SLC20A2: variants seen among roughly 807,000 people sequenced by gnomAD.
SLC20A2 encodes sodium-dependent phosphate transporter 2.
In SLC20A2, 30 loss-of-function variants were observed where a neutral mutation model predicts 61.0. The observed-to-expected ratio is 0.49, with a 90% CI of 0.37 to 0.67. The LOEUF is 0.67. Ranked by LOEUF, SLC20A2 falls within the 30% of genes least tolerant of loss-of-function variation. The pLI is 0.00. For missense variants in SLC20A2, 626 were observed against 866.4 expected, an observed-to-expected ratio of 0.72 and a Z score of 3.48; for synonymous variants, 351 against 353.3, an observed-to-expected ratio of 0.99 and a Z score of 0.07.
At chr8:42,419,144 T>C (rs962765973) in intron 10 of SLC20A2, among the ~76,000 whole-genome samples, 6 of 152,166 alleles carry the variant, frequency 3.9e-5, no homozygotes, top group African/African-American at 1.4e-4. Flanking sequence ...CAATTCACTA[T>C]TTTTTGACAT....
chr8:42,462,341 C>T (rs756299782), intron 4 of SLC20A2, among the ~76,000 whole-genome samples: 5 of 152,162 alleles, frequency 3.3e-5, no homozygotes, highest in Admixed American at 6.5e-5. Flanking sequence ...AAAAGGGCTG[C>T]GCCAGCTTCC....
chr8:42,486,517 G>GCCTTCCT (rs1809023689), intron 1 of SLC20A2, among the ~76,000 whole-genome samples: 1 of 152,178 alleles, frequency 6.6e-6, no homozygotes, highest in Admixed American at 6.5e-5. Flanking sequence ...AGGTAGTTCT[G>GCCTTCCT]CTAGCAATGG....
In SLC20A2 at chr8:42,437,159, G is replaced by A. The variant is rs769879099; in HGVS notation, c.1353C>T (p.Gly451=). The A allele has an allele frequency of 1.9e-6, 3 of 1,613,616 alleles. No individual in the cohort carries two copies. Among genetic ancestry groups the A allele is most frequent in the Non-Finnish European group, 2.5e-6 (3 of 1,180,028 alleles). Reference sequence around the variant, plus strand: ...GCTCCGACGCCAGCTTCATCTCCACGCCGCCCTCCTCCGCCTCGATCTCCG... The same window carrying A: ...GCTCCGACGCCAGCTTCATCTCCACACCGCCCTCCTCCGCCTCGATCTCCG... ...AEAEIEAEEG[G]VEMKLASELA... is the part of the protein sequence containing the mutation. The change falls in exon 8 of 11, where the codon GGC becomes GGT. Residue 451 remains glycine, a synonymous_variant. Transcript: ENST00000520262. The surrounding 1 kb of genome is among the most constrained non-coding windows in gnomAD (Gnocchi z 6.4).
Position 42,487,881 on chromosome 8 carries a change from C to T in SLC20A2, c.-265+13150G>A, listed in dbSNP as rs190765854. ...ATTTTCAAAACTGAAACTCTGTACC[C>T]ATTAGACAATAACTTGCCATTCTCG... On this transcript the variant is annotated intron_variant, in intron 1 of 10. Coordinates refer to ENST00000520262, the MANE Select transcript of SLC20A2 (RefSeq NM_001257180.2). 4.9e-4 allele frequency among the ~76,000 whole-genome samples: 74 copies of T among 152,318 alleles called. No homozygotes were observed. In the Middle Eastern group the frequency reaches 0.014, roughly 28 times the overall value.
At chr8:42,442,866 A>C (rs1454421382) in intron 6 of SLC20A2, among the ~76,000 whole-genome samples, 1 of 152,142 alleles carries the variant, frequency 6.6e-6, no homozygotes, top group African/African-American at 2.4e-5. Flanking sequence ...TGAATTTCCA[A>C]ATGCAGATAT....
At chr8:42,508,544 C>T (rs1481532137) in intron 1 of SLC20A2, among the ~76,000 whole-genome samples, 1 of 152,134 alleles carries the variant, frequency 6.6e-6, no homozygotes, top group Non-Finnish European at 1.5e-5. Flanking sequence ...GCACCTGCCA[C>T]CACGCCTGGC....
intron 1 of SLC20A2, among the ~76,000 whole-genome samples, chr8:42,491,021 A>C (rs1405263958): frequency 6.6e-6 from 1 of 152,244 alleles, no homozygotes; most frequent in Admixed American, 6.5e-5. Flanking sequence ...AAAAACAAGT[A>C]AACAAAAAAA....
At chr8:42,516,765 C>T (rs1393998259) in intron 1 of SLC20A2, among the ~76,000 whole-genome samples, 1 of 152,226 alleles carries the variant, frequency 6.6e-6, no homozygotes, top group Non-Finnish European at 1.5e-5. Context: ...CTGCCTCCCT[C>T]GTTTGCCAAT....
intron 1 of SLC20A2, among the ~76,000 whole-genome samples, chr8:42,476,083 T>TA (rs1808066957): frequency 2.6e-5 from 3 of 117,418 alleles, no homozygotes; most frequent in East Asian, 2.6e-4. Flanking sequence ...GTTTACTGTG[T>TA]CTTTTTTTTT....
chr8:42,469,519 G>C (rs1184846230), intron 2 of SLC20A2, among the ~76,000 whole-genome samples: 1 of 152,160 alleles, frequency 6.6e-6, no homozygotes, highest in African/African-American at 2.4e-5. Flanking sequence ...ATGAAGCCTT[G>C]TTCATGAACC....
intron 1 of SLC20A2, among the ~76,000 whole-genome samples, chr8:42,478,175 T>C (rs1322436997): frequency 6.6e-6 from 1 of 151,262 alleles, no homozygotes; most frequent in East Asian, 1.9e-4. Flanking sequence ...TGAGCCACCA[T>C]CCCTGGCCAA....
chr8:42,529,385 C>G (rs756943129), intron 1 of SLC20A2, among the ~76,000 whole-genome samples: 1 of 152,076 alleles, frequency 6.6e-6, no homozygotes, highest in Non-Finnish European at 1.5e-5. Flanking sequence ...TATTTATTTA[C>G]TTATAATCAC....
chr8:42,457,585 C>G (rs1806315805), intron 5 of SLC20A2, among the ~76,000 whole-genome samples: 1 of 151,916 alleles, frequency 6.6e-6, no homozygotes, highest in Non-Finnish European at 1.5e-5. Context: ...GGTTCAGGTT[C>G]AAGCAATTAT....
intron 1 of SLC20A2, among the ~76,000 whole-genome samples, chr8:42,525,574 T>A: frequency 9.2e-6 from 1 of 108,278 alleles, no homozygotes; most frequent in Non-Finnish European, 1.7e-5. Flanking sequence ...AGAGCAAGAC[T>A]CTGTCTCAAA....
Position 42,444,686 on chromosome 8 carries a change from C to T in SLC20A2, c.690G>A (p.Val230=), listed in dbSNP as rs1805064672. 1.2e-6 allele frequency: 2 copies of T among 1,613,862 alleles called. No homozygotes were observed. Among genetic ancestry groups the T allele is most frequent in the Non-Finnish European group, 1.7e-6 (2 of 1,179,854 alleles). ...FGVALLFAFF[V]WLFVCPWMRR... ...GCATCCACGGACACACGAAGAGCCA[C>T]ACAAAAAAAGCGAACAGGAGGGCGA... Residue 230 remains valine, a synonymous_variant, in exon 6 of 11, where the codon GTG becomes GTA. Coordinates refer to ENST00000520262, the MANE Select transcript of SLC20A2 (RefSeq NM_001257180.2).
intron 10 of SLC20A2, chr8:42,419,644 C>G (rs1356486194): frequency 1.5e-5 from 13 of 878,480 alleles, no homozygotes; most frequent in Non-Finnish European, 1.8e-5. Context: ...AGGAAGAGCT[C>G]TTTCCTCTCC....
intron 1 of SLC20A2, among the ~76,000 whole-genome samples, chr8:42,490,611 A>G (rs1357511193): frequency 1.3e-5 from 2 of 152,186 alleles, no homozygotes; most frequent in African/African-American, 4.8e-5. Flanking sequence ...ACAAAAACAA[A>G]AAAACCCCAA....
intron 8 of SLC20A2, among the ~76,000 whole-genome samples, chr8:42,432,631 C>T (rs1319224532): frequency 5.9e-5 from 9 of 152,122 alleles, no homozygotes; most frequent in Admixed American, 2.6e-4. Context: ...TTAATTGATG[C>T]GGCAAATTTC....
intron 1 of SLC20A2, among the ~76,000 whole-genome samples, chr8:42,475,330 C>A (rs1225331046): frequency 6.6e-6 from 1 of 152,050 alleles, no homozygotes; most frequent in African/African-American, 2.4e-5. Flanking sequence ...AAACTCCTAT[C>A]CTCAAGTGAT....
Sources: allele counts gnomAD v4.1 joint callset (sites outside exome capture counted in the v4.1 genomes callset), GRCh38; gene constraint gnomAD v4.1.1; non-coding constraint Gnocchi (gnomAD v3.1); transcripts MANE v1.5; gene names NCBI Gene and HGNC (gene_info 2026-07-23, HGNC 2026-07-21).